Variants in CIMAP1A observed in about 807,000 individuals in gnomAD.
The protein encoded by CIMAP1A is cancer/testis antigen 135.
At chr11:196,887 G>A in the CIMAP1A span, 6 of 156,908 alleles carry the variant, frequency 3.8e-5, no homozygotes, top group African/African-American at 1.4e-4. Context: ...TGGGTCTCTA[G>A]GCTGCTCTGA....
At chr11:199,345 G>T in the CIMAP1A span, 5 of 1,558,166 alleles carry the variant, frequency 3.2e-6, no homozygotes, top group East Asian at 1.2e-4. Context: ...GGCCGAGTTG[G>T]TCTGAGCCTC....
chr11:197,413 G>A, the CIMAP1A span: 1 of 1,601,558 alleles, frequency 6.2e-7, no homozygotes, highest in Non-Finnish European at 8.5e-7. Context: ...ACCAACAACA[G>A]GTAAGAGCCT....
At chr11:197,350 CG>C in the CIMAP1A span, 2 of 1,596,262 alleles carry the variant, frequency 1.3e-6, no homozygotes, top group Non-Finnish European at 1.7e-6. Flanking sequence ...CCATCGCCCC[CG>C]GGGACCCATC....
chr11:199,175 G>C, the CIMAP1A span: 1 of 1,423,794 alleles, frequency 7.0e-7, no homozygotes, highest in Non-Finnish European at 9.2e-7. Flanking sequence ...TGGAGGAAGT[G>C]ACCCCCACAT....
the CIMAP1A span, chr11:197,696 A>T: frequency 6.2e-7 from 1 of 1,613,670 alleles, no homozygotes; most frequent in Non-Finnish European, 8.5e-7. Context: ...ACTGGCAAGG[A>T]CCTTGGCCCT....
chr11:198,536 C>T, the CIMAP1A span: 5 of 1,612,900 alleles, frequency 3.1e-6, no homozygotes, highest in Non-Finnish European at 4.2e-6. Context: ...CCCTCCTTTT[C>T]CATCAAGGGC....
Sources: allele counts gnomAD v4.1 joint callset, GRCh38; gene constraint gnomAD v4.1.1; transcripts MANE v1.5; gene names NCBI Gene and HGNC (gene_info 2026-07-23, HGNC 2026-07-21).